Variants in FAM171B observed in about 807,000 individuals in gnomAD.
FAM171B encodes the protein family with sequence similarity 171 member B.
FAM171B carries 19 observed loss-of-function variants against 75.6 expected under a neutral mutation model. The ratio of observed to expected loss-of-function variants is 0.25; its 90% CI spans 0.18 to 0.37. FAM171B has a LOEUF of 0.37. FAM171B is among the 10% of genes least tolerant of loss of function. The pLI, the probability that FAM171B is intolerant of heterozygous loss-of-function variation, is 1.00. For synonymous variants in FAM171B, 367 were observed against 361.7 expected (o/e 1.01, Z -0.17); for missense variants, 848 against 982.4 (o/e 0.86, Z 1.83).
chr2:186,761,337 T>TA, intron 7 of FAM171B, 101 bp downstream of exon 7: 1 of 1,456,334 alleles, frequency 6.9e-7, no homozygotes, highest in Admixed American at 2.4e-5. Context: ...AATTTAATCT[T>TA]ATAATATATC....
intron 1 of FAM171B, among the ~76,000 whole-genome samples, chr2:186,736,567 G>GTGTGGGA (rs55683607): frequency 0.082 from 8,583 of 104,420 alleles, 270 homozygotes; most frequent in Non-Finnish European, 0.11. Context: ...TGTGTGTGTG[G>GTGTGGGA]GAGAGAGAGA....
At chr2:186,709,116 C>T (rs891659094) in intron 1 of FAM171B, among the ~76,000 whole-genome samples, 2 of 151,968 alleles carry the variant, frequency 1.3e-5, no homozygotes, top group African/African-American at 2.4e-5. Context: ...TGGGAGGTGC[C>T]GCTTTTAAAC....
intron 1 of FAM171B, among the ~76,000 whole-genome samples, chr2:186,711,053 TA>T (rs2105774727): frequency 6.6e-6 from 1 of 152,290 alleles, no homozygotes; most frequent in South Asian, 2.1e-4. Context: ...AAACAATTAC[TA>T]AAAACTTTTA....
At chr2:186,747,342 A>G (rs1052985554) in intron 4 of FAM171B, 92 bp downstream of exon 4, 1 of 752,160 alleles carries the variant, frequency 1.3e-6, no homozygotes, top group African/African-American at 1.8e-5. Flanking sequence ...AGCTTATAAT[A>G]TATAAGCTAT....
In FAM171B at chr2:186,762,539, C is replaced by T. The variant is rs370871362; in HGVS notation, c.2197C>T (p.Pro733Ser). The T allele has an allele frequency of 6.2e-7, 1 of 1,613,462 alleles. No individual in the cohort carries two copies. The highest frequency in any genetic ancestry group is 1.3e-5 in the African/African-American group (1 of 74,910). The change falls in exon 8 of 8, where the codon CCC becomes TCC. Residue 733 changes from proline (P) to serine (S), a missense_variant. Physicochemically the swap from Pro to Ser is moderately conservative, Grantham distance 74. Coordinates refer to ENST00000304698, the MANE Select transcript of FAM171B (RefSeq NM_177454.4). The surrounding 1 kb of genome is among the most constrained non-coding windows in gnomAD (Gnocchi z 4.0). ...EKTFIKSMHQ[P>S]KILYLEDLDL... Reference sequence around the variant, plus strand: ...AACATTCATCAAAAGCATGCATCAGCCCAAGATCCTTTACTTAGAAGATTT... The same window carrying T: ...AACATTCATCAAAAGCATGCATCAGTCCAAGATCCTTTACTTAGAAGATTT...
chr2:186,756,184 G>T (rs1428308709), intron 6 of FAM171B, among the ~76,000 whole-genome samples: 1 of 150,450 alleles, frequency 6.6e-6, no homozygotes, highest in African/African-American at 2.4e-5. Flanking sequence ...TGTTGGAAAA[G>T]ATGTTGTTTG....
At chr2:186,717,886 T>C (rs1204662364) in intron 1 of FAM171B, among the ~76,000 whole-genome samples, 1 of 152,188 alleles carries the variant, frequency 6.6e-6, no homozygotes, top group Non-Finnish European at 1.5e-5. Context: ...CCTGCTAGAC[T>C]TTCCAGTCCT....
intron 1 of FAM171B, among the ~76,000 whole-genome samples, chr2:186,711,733 T>C (rs1689811615): frequency 6.6e-6 from 1 of 152,224 alleles, no homozygotes; most frequent in Non-Finnish European, 1.5e-5. Context: ...TGTTATTTCT[T>C]ACACTAAGCC....
At chr2:186,751,373 T>A in intron 5 of FAM171B, 69 bp downstream of exon 5, 3 of 1,346,166 alleles carry the variant, frequency 2.2e-6, no homozygotes, top group Non-Finnish European at 3.0e-6. Flanking sequence ...GGATGTTTTA[T>A]CTTAGAACTT....
intron 1 of FAM171B, among the ~76,000 whole-genome samples, chr2:186,696,632 G>A (rs918181606): frequency 1.1e-4 from 16 of 150,300 alleles, no homozygotes; most frequent in African/African-American, 3.9e-4. Flanking sequence ...CTCCACTGTA[G>A]CCACACTAGC....
In FAM171B at chr2:186,743,486, A is replaced by T; in HGVS notation, c.476A>T (p.Tyr159Phe). 6.2e-7 allele frequency: 1 copy of T among 1,602,440 alleles called. No individual in the cohort carries two copies. Among genetic ancestry groups the T allele is most frequent in the Non-Finnish European group, 8.5e-7 (1 of 1,169,726 alleles). ...LPWKTRRMPI[Y>F]SSVTLSLFPQ... ...CTAATTGTGCTATATTTCACAGTATATTCATCAGTTACACTTTCACTGTTC... is the reference window on the plus strand; with the variant it reads ...CTAATTGTGCTATATTTCACAGTATTTTCATCAGTTACACTTTCACTGTTC... The change falls in exon 3 of 8, where the codon TAT becomes TTT. Residue 159 changes from tyrosine (Y) to phenylalanine (F), a missense_variant. Physicochemically the swap from Tyr to Phe is conservative, Grantham distance 22 (BLOSUM62 3). Around this residue, in one of 3 missense-constraint regions of FAM171B, gnomAD observed 665 missense variants for 729.0 expected, o/e 0.91. Transcript: ENST00000304698.
At chr2:186,753,792 T>C (rs1156781400) in intron 5 of FAM171B, 141 bp from the exon 6 acceptor site, 4 of 560,360 alleles carry the variant, frequency 7.1e-6, no homozygotes, top group South Asian at 6.1e-5. Flanking sequence ...TATATTATAA[T>C]ATGATGTGAT....
intron 1 of FAM171B, among the ~76,000 whole-genome samples, chr2:186,711,543 G>A (rs902166959): frequency 6.6e-6 from 1 of 152,198 alleles, no homozygotes; most frequent in African/African-American, 2.4e-5. Context: ...CCAGTACACA[G>A]AAATGGAGTT....
intron 6 of FAM171B, among the ~76,000 whole-genome samples, chr2:186,759,742 A>T (rs1690587229): frequency 1.3e-5 from 2 of 151,858 alleles, no homozygotes; most frequent in Non-Finnish European, 2.9e-5. Flanking sequence ...ATTTTCTCCC[A>T]TTCTGTGGGT....
intron 1 of FAM171B, among the ~76,000 whole-genome samples, chr2:186,738,084 C>T (rs777348422): frequency 8.5e-5 from 13 of 152,226 alleles, no homozygotes; most frequent in Admixed American, 2.0e-4. Context: ...CCAGTGATCA[C>T]GGAGCCCCAA....
intron 6 of FAM171B, among the ~76,000 whole-genome samples, chr2:186,759,809 C>A (rs1012355824): frequency 6.6e-6 from 1 of 151,702 alleles, no homozygotes; most frequent in Non-Finnish European, 1.5e-5. Flanking sequence ...TGATGTTATC[C>A]CATTTTTGCT....
chr2:186,707,830 CTTT>C (rs59441406), intron 1 of FAM171B, among the ~76,000 whole-genome samples: 1 of 97,416 alleles, frequency 1.0e-5, no homozygotes, highest in African/African-American at 3.9e-5. Flanking sequence ...TTAAATACCA[CTTT>C]TTTTTTTTAA....
At position 186,761,859 on chromosome 2, in the gene FAM171B, G is replaced by A. The variant is rs1250407694; in HGVS notation, c.1517G>A (p.Gly506Asp). ...AACAACAATCTATCTTCATCTCTAG[G>A]TGATGCTCAAGATGAAAAGAGGTAT... ...HINNNLSSSL[G>D]DAQDEKRYLT... Residue 506 changes from glycine to aspartate, a missense_variant, in exon 8 of 8, where the codon GGT (glycine) becomes GAT (aspartate). Coordinates refer to ENST00000304698, the MANE Select transcript of FAM171B (RefSeq NM_177454.4). 6.2e-7 allele frequency: 1 copy of A among 1,613,070 alleles called. No individual in the cohort carries two copies. Among genetic ancestry groups the A allele is most frequent in the Non-Finnish European group, 8.5e-7 (1 of 1,179,752 alleles).
chr2:186,764,117 C>T lies in FAM171B; in HGVS notation c.*1294C>T, dbSNP rs1690664190. The T allele has an allele frequency of 6.6e-6, 1 of 152,052 alleles. No individual in the cohort carries two copies. Among genetic ancestry groups the T allele is most frequent in the African/African-American group, 2.4e-5 (1 of 41,442 alleles). 9.4% of individuals were successfully genotyped at this position (152,052 alleles called of 1,614,324 possible). A position where few individuals can be genotyped will look rare whatever the true frequency, so the allele number is the denominator to read the frequency against. On this transcript the variant is annotated 3_prime_UTR_variant, in exon 8 of 8. Transcript: ENST00000304698. ...AAAGCTCGTTATTCATTAAAATCAA[C>T]TGATCCCATTTTTCTTAAAATTTCC...
Sources: gnomAD v4.1 joint callset for allele counts (sites outside exome capture counted in the v4.1 genomes callset) on GRCh38, gnomAD v4.1.1 for gene constraint, gnomAD v4.1.1 regional missense constraint, Gnocchi (gnomAD v3.1) non-coding constraint, MANE v1.5 for transcripts, NCBI Gene and HGNC (gene_info 2026-07-23, HGNC 2026-07-21) for gene names.